FAM171A1: variants seen among roughly 807,000 people sequenced by gnomAD.
The protein encoded by FAM171A1 is family with sequence similarity 171 member A1, also known as protein FAM171A1.
FAM171A1 carries 23 observed loss-of-function variants against 74.9 expected under a neutral mutation model. That is an observed-to-expected ratio of 0.31 (90% CI 0.22 to 0.44). The LOEUF is 0.44. FAM171A1 is among the 20% of genes least tolerant of loss of function. FAM171A1 has a pLI of 1.00. For missense variants in FAM171A1, 1,162 were observed against 1,159.2 expected, an observed-to-expected ratio of 1.00 and a Z score of -0.03; for synonymous variants, 527 against 505.7, an observed-to-expected ratio of 1.04 and a Z score of -0.57.
rs113889131 is a variant in FAM171A1, at chr10:15,262,312, A to G, written c.419-7433T>C. ...TATGAAATTATTCAAGTGAGAAATGATAAAGTTCCAAATAAAGACAGCAGC... is the reference window on the plus strand; with the variant it reads ...TATGAAATTATTCAAGTGAGAAATGGTAAAGTTCCAAATAAAGACAGCAGC... On this transcript the variant is annotated intron_variant, in intron 3 of 7. Transcript: ENST00000378116. Among the ~76,000 whole-genome samples the G allele has an allele frequency of 1.0e-3, 154 of 152,306 alleles. 1 individual carries two copies. The highest frequency in any genetic ancestry group is 6.8e-3 in the Middle Eastern group (2 of 294).
chr10:15,327,613 T>G (rs1955344), intron 1 of FAM171A1, among the ~76,000 whole-genome samples: 1 of 151,676 alleles, frequency 6.6e-6, no homozygotes, highest in African/African-American at 2.4e-5. Flanking sequence ...ATTGCACCAC[T>G]GCAGTCTAGC....
chr10:15,232,495 G>C (rs977924022), intron 5 of FAM171A1, among the ~76,000 whole-genome samples: 1 of 152,172 alleles, frequency 6.6e-6, no homozygotes, highest in African/African-American at 2.4e-5. Flanking sequence ...GCACAAAGAA[G>C]ATGTTCAATA....
At chr10:15,313,066 T>A (rs1835383004) in intron 1 of FAM171A1, among the ~76,000 whole-genome samples, 1 of 152,200 alleles carries the variant, frequency 6.6e-6, no homozygotes. Context: ...ATTTCCATTC[T>A]GGCCTGGGCT....
intron 5 of FAM171A1, among the ~76,000 whole-genome samples, chr10:15,239,309 T>G (rs1335955465): frequency 1.3e-5 from 2 of 152,038 alleles, no homozygotes; most frequent in Non-Finnish European, 2.9e-5. Flanking sequence ...TTTATTTTTA[T>G]TTTTATTTTT....
intron 1 of FAM171A1, among the ~76,000 whole-genome samples, chr10:15,313,788 T>C (rs1217658722): frequency 6.6e-6 from 1 of 152,076 alleles, no homozygotes; most frequent in Non-Finnish European, 1.5e-5. Context: ...TTGGAAGAAA[T>C]AAAATATGTT....
chr10:15,215,460 G>C (rs943764285), intron 7 of FAM171A1, among the ~76,000 whole-genome samples: 5 of 151,992 alleles, frequency 3.3e-5, no homozygotes, highest in African/African-American at 1.2e-4. Flanking sequence ...CCACCTTCTG[G>C]GTCCAAGCAA....
chr10:15,251,529 A>G (rs563392749), intron 4 of FAM171A1, among the ~76,000 whole-genome samples: 44 of 151,352 alleles, frequency 2.9e-4, no homozygotes, highest in Non-Finnish European at 6.0e-4. Context: ...CAGCCTCCTG[A>G]GTAGCTGGGA....
intron 1 of FAM171A1, among the ~76,000 whole-genome samples, chr10:15,293,770 C>T (rs141703175): frequency 2.0e-4 from 30 of 152,180 alleles, no homozygotes; most frequent in Admixed American, 1.2e-3. Flanking sequence ...TTGTGGTTTA[C>T]GGAGGTCAGG....
intron 1 of FAM171A1, among the ~76,000 whole-genome samples, chr10:15,306,812 A>C (rs2131833357): frequency 6.6e-6 from 1 of 152,346 alleles, no homozygotes; most frequent in South Asian, 2.1e-4. Context: ...CAGCAGTTCC[A>C]TCCAGAATCC....
chr10:15,239,386 C>T (rs939909052), intron 5 of FAM171A1, among the ~76,000 whole-genome samples: 1 of 152,034 alleles, frequency 6.6e-6, no homozygotes, highest in Non-Finnish European at 1.5e-5. Context: ...TCACTGCAAC[C>T]TCCACTTCCC....
At chr10:15,232,603 G>A (rs538428353) in intron 5 of FAM171A1, among the ~76,000 whole-genome samples, 2 of 152,168 alleles carry the variant, frequency 1.3e-5, no homozygotes, top group African/African-American at 2.4e-5. Context: ...TAATGTTGGC[G>A]GTAAATTCAA....
chr10:15,222,948 C>T (rs550981136), intron 5 of FAM171A1, among the ~76,000 whole-genome samples: 4 of 152,332 alleles, frequency 2.6e-5, no homozygotes, highest in East Asian at 1.9e-4. Context: ...CAGGGATGCC[C>T]GGTTCTGGTC....
At chr10:15,345,335 A>G (rs1259794186) in intron 1 of FAM171A1, among the ~76,000 whole-genome samples, 3 of 152,226 alleles carry the variant, frequency 2.0e-5, no homozygotes, top group East Asian at 3.8e-4. Context: ...TGCCTAGAAC[A>G]GGGCTTGGAT....
chr10:15,263,848 CATCTATCTATCTATCTATCT>C (rs56341083), intron 3 of FAM171A1, among the ~76,000 whole-genome samples: 2,745 of 143,860 alleles, frequency 0.019, 39 homozygotes, highest in East Asian at 0.038. Flanking sequence ...ACATTTATCT[CATCTATCTATCTATCTATCT>C]ATCTATCTAT....
At chr10:15,249,188 C>T (rs112420440) in intron 4 of FAM171A1, among the ~76,000 whole-genome samples, 1 of 151,770 alleles carries the variant, frequency 6.6e-6, no homozygotes, top group Non-Finnish European at 1.5e-5. Flanking sequence ...CCTCCACCTC[C>T]TGGGTTCAAG....
At chr10:15,271,484 C>T (rs1834824191) in intron 3 of FAM171A1, among the ~76,000 whole-genome samples, 1 of 152,184 alleles carries the variant, frequency 6.6e-6, no homozygotes, top group Admixed American at 6.5e-5. Flanking sequence ...AGGAGAACTT[C>T]CCCAACCTAG....
intron 2 of FAM171A1, among the ~76,000 whole-genome samples, chr10:15,283,544 T>C (rs1224100741): frequency 2.0e-5 from 3 of 152,178 alleles, no homozygotes; most frequent in African/African-American, 7.2e-5. Flanking sequence ...CCTCCCCATA[T>C]TGAATGGTGG....
chr10:15,217,079 C>T (rs1449643880), intron 6 of FAM171A1, among the ~76,000 whole-genome samples: 1 of 152,030 alleles, frequency 6.6e-6, no homozygotes, highest in Non-Finnish European at 1.5e-5. Context: ...CTTACGTGGC[C>T]AGAGATCTCT....
chr10:15,303,868 G>A (rs1364632299), intron 1 of FAM171A1, among the ~76,000 whole-genome samples: 1 of 152,162 alleles, frequency 6.6e-6, no homozygotes, highest in Non-Finnish European at 1.5e-5. Context: ...ATACAAGCGT[G>A]GGCAGAAAAG....
Sources: gnomAD v4.1 joint callset for allele counts (sites outside exome capture counted in the v4.1 genomes callset) on GRCh38, gnomAD v4.1.1 for gene constraint, MANE v1.5 for transcripts, NCBI Gene and HGNC (gene_info 2026-07-23, HGNC 2026-07-21) for gene names.